The following COBL variants were observed in gnomAD, a reference collection of about 807,000 sequenced individuals.
The protein encoded by COBL is cordon-bleu WH2 repeat protein, also known as protein cordon-bleu.
COBL carries 51 observed loss-of-function variants against 98.8 expected under a neutral mutation model. That is an observed-to-expected ratio of 0.52 (90% CI 0.41 to 0.65). The LOEUF (loss-of-function observed/expected upper bound fraction) is 0.65. COBL is among the 30% of genes least tolerant of loss of function. The pLI, the probability that COBL is intolerant of heterozygous loss-of-function variation, is 0.00. For synonymous variants in COBL, 634 were observed against 651.7 expected, an observed-to-expected ratio of 0.97 and a Z score of 0.41; for missense variants, 1,617 against 1,617.5, an observed-to-expected ratio of 1.00 and a Z score of 0.01.
intron 2 of COBL, among the ~76,000 whole-genome samples, chr7:51,217,703 C>T (rs201437397): frequency 1.3e-5 from 2 of 152,118 alleles, no homozygotes; most frequent in South Asian, 2.1e-4. Context: ...ATAAGAATGG[C>T]GAGTAAACCC....
At chr7:51,076,758 C>T (rs182542920) in intron 7 of COBL, among the ~76,000 whole-genome samples, 2 of 152,064 alleles carry the variant, frequency 1.3e-5, no homozygotes, top group East Asian at 1.9e-4. Flanking sequence ...TCCCTTTATG[C>T]CTTTTGATCT....
At chr7:51,130,924 C>T (rs1360875889) in intron 6 of COBL, among the ~76,000 whole-genome samples, 1 of 152,184 alleles carries the variant, frequency 6.6e-6, no homozygotes, top group Non-Finnish European at 1.5e-5. Flanking sequence ...ATACACTGTG[C>T]TGAGATATTA....
chr7:51,032,522 C>A (rs1466336061), intron 8 of COBL: 1 of 152,222 alleles, frequency 6.6e-6, no homozygotes, highest in African/African-American at 2.4e-5. Flanking sequence ...AAGCTTTGCA[C>A]AATCCTCACG....
intron 1 of COBL, among the ~76,000 whole-genome samples, chr7:51,268,743 A>G (rs1327113043): frequency 6.6e-6 from 1 of 152,006 alleles, no homozygotes; most frequent in Non-Finnish European, 1.5e-5. Context: ...CAGCCTGGCC[A>G]ATATGGTGAA....
rs567223742 is a variant in COBL, at chr7:51,069,371, C to T, written c.1096+15795G>A. On this transcript the variant is annotated intron_variant, in intron 7 of 12. Transcript: ENST00000265136. ...GGCTCCTGACTATAGGACATAATCA[C>T]TTTCCCTTTAAATTTCTTTTTGGAA... 3.9e-5 allele frequency among the ~76,000 whole-genome samples: 6 copies of T among 152,344 alleles called. No individual in the cohort carries two copies. In the South Asian group the frequency reaches 6.2e-4, roughly 16 times the overall value.
At chr7:51,112,010 C>T (rs190802593) in intron 6 of COBL, among the ~76,000 whole-genome samples, 1 of 152,224 alleles carries the variant, frequency 6.6e-6, no homozygotes, top group Admixed American at 6.5e-5. Context: ...TCAAAGGAAT[C>T]CAGTTCACTT....
chr7:51,162,820 C>CAGTT (rs1279255328), intron 5 of COBL, among the ~76,000 whole-genome samples: 1 of 152,234 alleles, frequency 6.6e-6, no homozygotes, highest in African/African-American at 2.4e-5. Context: ...CGGCCTCCGC[C>CAGTT]AGGCTAAGCC....
chr7:51,042,220 AT>A (rs770780426), intron 8 of COBL, among the ~76,000 whole-genome samples: 3 of 152,242 alleles, frequency 2.0e-5, no homozygotes, highest in Non-Finnish European at 4.4e-5. Context: ...ATTAAATAAT[AT>A]TAGAATGTAA....
intron 2 of COBL, among the ~76,000 whole-genome samples, chr7:51,199,669 T>C (rs1258478005): frequency 6.6e-6 from 1 of 151,224 alleles, no homozygotes; most frequent in Non-Finnish European, 1.5e-5. Context: ...AGCTGAAGAA[T>C]ACAATGATTG....
chr7:51,279,807 G>A (rs931141379), intron 1 of COBL, among the ~76,000 whole-genome samples: 4 of 152,178 alleles, frequency 2.6e-5, no homozygotes, highest in African/African-American at 7.2e-5. Context: ...CCTGGCAACA[G>A]CAAACACTGA....
chr7:51,097,191 CATCA>C (rs1795342896), intron 6 of COBL, among the ~76,000 whole-genome samples: 1 of 152,100 alleles, frequency 6.6e-6, no homozygotes, highest in Non-Finnish European at 1.5e-5. Context: ...AATATAAAAA[CATCA>C]ATCAATGTAA....
At chr7:51,274,087 C>G (rs1038435752) in intron 1 of COBL, among the ~76,000 whole-genome samples, 1 of 152,156 alleles carries the variant, frequency 6.6e-6, no homozygotes, top group Admixed American at 6.5e-5. Context: ...CCCCCCAGTC[C>G]ATGCCTTAAG....
intron 6 of COBL, among the ~76,000 whole-genome samples, chr7:51,127,255 C>T (rs191527971): frequency 2.3e-3 from 352 of 152,310 alleles, no homozygotes; most frequent in African/African-American, 7.8e-3. Context: ...GTGAGCTACA[C>T]CCAGAGTCCG....
intron 6 of COBL, among the ~76,000 whole-genome samples, chr7:51,107,804 A>G (rs1184118290): frequency 1.3e-5 from 2 of 152,202 alleles, no homozygotes; most frequent in South Asian, 2.1e-4. Context: ...AAGATGCCAA[A>G]GCAGCAGGGA....
At chr7:51,088,908 G>A (rs891527571) in intron 6 of COBL, among the ~76,000 whole-genome samples, 3 of 152,144 alleles carry the variant, frequency 2.0e-5, no homozygotes, top group African/African-American at 7.2e-5. Flanking sequence ...GTGGGTTTTC[G>A]CTTATCCCTG....
chr7:51,182,516 A>G (rs1789075656), intron 5 of COBL, among the ~76,000 whole-genome samples: 1 of 152,064 alleles, frequency 6.6e-6, no homozygotes, highest in African/African-American at 2.4e-5. Context: ...TCCTGACCTC[A>G]GGTGACCTGC....
At chr7:51,071,764 A>G (rs1052642696) in intron 7 of COBL, 1 of 152,168 alleles carries the variant, frequency 6.6e-6, no homozygotes, top group Admixed American at 6.5e-5. Flanking sequence ...ATTATATACA[A>G]TCTTCTACAA....
At chr7:51,269,033 G>A (rs948987094) in intron 1 of COBL, among the ~76,000 whole-genome samples, 1 of 151,924 alleles carries the variant, frequency 6.6e-6, no homozygotes, top group African/African-American at 2.4e-5. Context: ...CCAGGGAAGC[G>A]AGGTTGATGG....
chr7:51,253,418 C>A (rs971358708), intron 1 of COBL, among the ~76,000 whole-genome samples: 1 of 152,142 alleles, frequency 6.6e-6, no homozygotes, highest in Non-Finnish European at 1.5e-5. Flanking sequence ...CCTTTGAACA[C>A]CTTCTTGCTT....
Sources: allele counts gnomAD v4.1 joint callset (sites outside exome capture counted in the v4.1 genomes callset), GRCh38; gene constraint gnomAD v4.1.1; transcripts MANE v1.5; gene names NCBI Gene and HGNC (gene_info 2026-07-23, HGNC 2026-07-21).